Variants in HERC6 observed in about 807,000 individuals in gnomAD.
The protein encoded by HERC6 is probable E3 ubiquitin-protein ligase HERC6.
HERC6 carries 101 observed loss-of-function variants against 114.5 expected under a neutral mutation model. The ratio of observed to expected loss-of-function variants is 0.88; its 90% confidence interval spans 0.75 to 1.04. The LOEUF (loss-of-function observed/expected upper bound fraction) is 1.04. Among genes scored for constraint, HERC6 ranks in the 50% least tolerant of loss-of-function variants. HERC6 has a pLI of 0.00. For missense variants in HERC6, 1,133 were observed against 1,230.9 expected, an observed-to-expected ratio of 0.92 and a Z score of 1.19; for synonymous variants, 408 against 436.2, an observed-to-expected ratio of 0.94 and a Z score of 0.81.
chr4:88,394,400 G>A (rs1263978749), intron 5 of HERC6, among the ~76,000 whole-genome samples: 2 of 143,492 alleles, frequency 1.4e-5, no homozygotes, highest in African/African-American at 5.2e-5. Context: ...TTGAACCCAG[G>A]AGTCAGAGGT....
chr4:88,392,089 CT>C (rs1734955711), intron 4 of HERC6, among the ~76,000 whole-genome samples: 1 of 87,312 alleles, frequency 1.1e-5, no homozygotes, highest in East Asian at 4.4e-4. Context: ...CCACTCCCCC[CT>C]CCCCTTCTCC....
chr4:88,404,620 A>T (rs1735721473), intron 8 of HERC6, among the ~76,000 whole-genome samples: 1 of 152,068 alleles, frequency 6.6e-6, no homozygotes, highest in South Asian at 2.1e-4. Context: ...ATAATGATCT[A>T]CAAGTATCTG....
chr4:88,381,569 T>G (rs2110225774), intron 1 of HERC6, among the ~76,000 whole-genome samples: 1 of 148,928 alleles, frequency 6.7e-6, no homozygotes, highest in Non-Finnish European at 1.5e-5. Flanking sequence ...TTTTTTTTTT[T>G]TTTTTTTGAG....
chr4:88,405,903 G>A (rs201223623), intron 10 of HERC6, among the ~76,000 whole-genome samples: 3 of 152,066 alleles, frequency 2.0e-5, no homozygotes, highest in African/African-American at 4.8e-5. Flanking sequence ...ACAAAGGATC[G>A]GCTAAATCTC....
chr4:88,388,070 A>T (rs1297092878), intron 3 of HERC6, among the ~76,000 whole-genome samples: 4 of 152,274 alleles, frequency 2.6e-5, no homozygotes, highest in East Asian at 3.8e-4. Flanking sequence ...ATAACTTATT[A>T]AAAAATCTCT....
At chr4:88,440,736 C>G (rs533429267) in intron 22 of HERC6, 1 of 152,558 alleles carries the variant, frequency 6.6e-6, no homozygotes, top group Non-Finnish European at 1.5e-5. Context: ...CATGCCTGGT[C>G]CCAGGTTGCC....
In HERC6 at chr4:88,437,111, CAATGGCGCGA is replaced by C. The variant is rs1738839543; in HGVS notation, c.2484+141_2484+150del. ...TCACTCTGTCACCCAGGTTGGAGTA[CAATGGCGCGA>C]TCTCGGTTCACTGCAGCCTCCGCCT... On this transcript the variant is annotated intron_variant, in intron 19 of 22. Transcript: ENST00000264346. The C allele has an allele frequency of 5.3e-6, 3 of 570,134 alleles. No homozygotes were observed. The African/African-American group carries it at 5.9e-5, about 11-fold the overall frequency. 35.3% of individuals were successfully genotyped at this position (570,134 alleles called of 1,614,324 possible).
At chr4:88,412,003 C>T (rs987138880) in intron 11 of HERC6, among the ~76,000 whole-genome samples, 3 of 152,138 alleles carry the variant, frequency 2.0e-5, no homozygotes, top group Non-Finnish European at 2.9e-5. Context: ...AAAAGAAAAA[C>T]GACTGGCAAG....
At chr4:88,386,050 C>T (rs917560486) in intron 3 of HERC6, among the ~76,000 whole-genome samples, 1 of 151,972 alleles carries the variant, frequency 6.6e-6, no homozygotes, top group Non-Finnish European at 1.5e-5. Flanking sequence ...CTCCTTTGTC[C>T]ACCCTCAATC....
intron 6 of HERC6, 40 bp downstream of exon 6, chr4:88,396,182 G>T: frequency 6.7e-7 from 1 of 1,489,546 alleles, no homozygotes; most frequent in Non-Finnish European, 9.0e-7. Context: ...AGCATGTGTA[G>T]AAAGTGTTAT....
chr4:88,432,984 AG>A (rs1186778527), intron 17 of HERC6, among the ~76,000 whole-genome samples: 6 of 151,932 alleles, frequency 3.9e-5, no homozygotes, highest in Non-Finnish European at 7.4e-5. Context: ...GCTACTCGGG[AG>A]GCTGAGGCAG....
At chr4:88,425,861 A>G (rs1737553559) in intron 15 of HERC6, among the ~76,000 whole-genome samples, 2 of 151,908 alleles carry the variant, frequency 1.3e-5, no homozygotes, top group Non-Finnish European at 2.9e-5. Context: ...CTATTTTTCT[A>G]TGATATTTAT....
Position 88,394,825 on chromosome 4 carries a change from A to G in HERC6, c.760-1190A>G, listed in dbSNP as rs903370656. ...CTCCCAAAGTGTTGAGATTACAGGC[A>G]TGAGCCACTGCGCCCGGCCCCTTTA... is the stretch of plus-strand genomic sequence containing the variant. On this transcript the variant is annotated intron_variant, in intron 5 of 22. Coordinates refer to ENST00000264346, the MANE Select transcript of HERC6 (RefSeq NM_017912.4). Among the ~76,000 whole-genome samples the G allele has an allele frequency of 3.3e-5, 5 of 152,304 alleles. No individual in the cohort carries two copies. In the South Asian group the frequency reaches 6.2e-4, roughly 19 times the overall value.
chr4:88,424,499 A>G (rs972756166), intron 14 of HERC6, 96 bp from the exon 15 acceptor site: 12 of 916,476 alleles, frequency 1.3e-5, no homozygotes, highest in Non-Finnish European at 2.0e-5. Flanking sequence ...AGAACCACAA[A>G]AACCAGATTC....
At chr4:88,399,215 C>G in intron 8 of HERC6, 1 of 152,214 alleles carries the variant, frequency 6.6e-6, no homozygotes, top group South Asian at 2.1e-4. Context: ...ATAATAGACT[C>G]TGTCTGTAGT....
chr4:88,438,082 C>T (rs944537582), intron 20 of HERC6, among the ~76,000 whole-genome samples: 14 of 139,932 alleles, frequency 1.0e-4, no homozygotes, highest in East Asian at 8.3e-4. Context: ...GCCGGGATTG[C>T]GCAACTGCAC....
intron 16 of HERC6, among the ~76,000 whole-genome samples, chr4:88,429,920 C>T (rs1241834582): frequency 2.0e-5 from 3 of 152,120 alleles, no homozygotes; most frequent in African/African-American, 4.8e-5. Context: ...AATAAAAATA[C>T]AGACTCTGAA....
At chr4:88,396,648 T>G (rs1003929370) in intron 6 of HERC6, among the ~76,000 whole-genome samples, 1 of 152,208 alleles carries the variant, frequency 6.6e-6, no homozygotes, top group South Asian at 2.1e-4. Flanking sequence ...TTTTTAAGAT[T>G]AGTAGTAAGT....
At chr4:88,392,714 A>G (rs1734984021) in intron 4 of HERC6, among the ~76,000 whole-genome samples, 1 of 152,160 alleles carries the variant, frequency 6.6e-6, no homozygotes, top group African/African-American at 2.4e-5. Flanking sequence ...AGTTAAGGCC[A>G]CCTCTATGAG....
Sources: allele counts gnomAD v4.1 joint callset (sites outside exome capture counted in the v4.1 genomes callset), GRCh38; gene constraint gnomAD v4.1.1; transcripts MANE v1.5; gene names NCBI Gene and HGNC (gene_info 2026-07-23, HGNC 2026-07-21).